SLC17A1: variants seen among roughly 807,000 people sequenced by gnomAD.
SLC17A1 encodes the protein solute carrier family 17 member 1.
In SLC17A1, 51 loss-of-function variants were observed where a neutral mutation model predicts 53.5. That is an observed-to-expected ratio of 0.95 (90% CI 0.76 to 1.20). The LOEUF is 1.20. SLC17A1 is among the 50% of genes most tolerant of loss of function. The pLI is 0.00. For synonymous variants in SLC17A1, 179 were observed against 198.8 expected (o/e 0.90, Z 0.84); for missense variants, 538 against 568.2 (o/e 0.95, Z 0.54).
At chr6:25,740,021 C>T in the SLC17A1 span, among the ~76,000 whole-genome samples, 1 of 152,076 alleles carries the variant, frequency 6.6e-6, no homozygotes, top group Non-Finnish European at 1.5e-5. Context: ...TACAGGGAAC[C>T]TCTGTATACT....
chr6:25,813,951 A>T (rs1344120027), intron 6 of SLC17A1, among the ~76,000 whole-genome samples: 1 of 152,192 alleles, frequency 6.6e-6, no homozygotes, highest in Non-Finnish European at 1.5e-5. Context: ...TCAATGGTGT[A>T]TATGTACCAT....
At chr6:25,732,614 C>T in the SLC17A1 span, 213 of 1,099,962 alleles carry the variant, frequency 1.9e-4, 1 homozygote, top group East Asian at 6.5e-3. Context: ...ACCTGGCCTC[C>T]GACACCCTGG....
chr6:25,758,937 G>T, the SLC17A1 span, among the ~76,000 whole-genome samples: 2 of 152,020 alleles, frequency 1.3e-5, no homozygotes, highest in Non-Finnish European at 2.9e-5. Flanking sequence ...GCATTTAATG[G>T]TATGAACTTT....
At chr6:25,727,399 G>GGTT in the SLC17A1 span, 2 of 683,992 alleles carry the variant, frequency 2.9e-6, no homozygotes, top group Non-Finnish European at 4.3e-6. Context: ...AACCGTAAGG[G>GGTT]TTTTTTTTTT....
chr6:25,763,837 C>T, the SLC17A1 span, among the ~76,000 whole-genome samples: 1 of 152,310 alleles, frequency 6.6e-6, no homozygotes, highest in East Asian at 1.9e-4. Context: ...ACCTTCTGAT[C>T]CCCTTTTCCC....
intron 10 of SLC17A1, among the ~76,000 whole-genome samples, chr6:25,805,510 AAG>A: frequency 6.6e-6 from 1 of 152,060 alleles, no homozygotes; most frequent in Non-Finnish European, 1.5e-5. Context: ...TAGAAGAAGA[AAG>A]GAAATAACAA....
At chr6:25,786,413 A>C (rs1763383535) in intron 12 of SLC17A1, among the ~76,000 whole-genome samples, 1 of 152,206 alleles carries the variant, frequency 6.6e-6, no homozygotes, top group Non-Finnish European at 1.5e-5. Context: ...AAAGACACTG[A>C]CCACTGCATT....
the SLC17A1 span, among the ~76,000 whole-genome samples, chr6:25,731,199 T>C: frequency 6.6e-6 from 1 of 152,090 alleles, no homozygotes; most frequent in African/African-American, 2.4e-5. Flanking sequence ...ATTCCAGCAG[T>C]TCAAGGGGAG....
chr6:25,732,959 G>A, the SLC17A1 span: 2 of 222,930 alleles, frequency 9.0e-6, no homozygotes, highest in East Asian at 1.2e-4. Context: ...TTCTGAGAAA[G>A]AGCTAGTTTA....
intron 12 of SLC17A1, among the ~76,000 whole-genome samples, chr6:25,788,362 A>G (rs1763428387): frequency 6.6e-6 from 1 of 152,216 alleles, no homozygotes; most frequent in African/African-American, 2.4e-5. Flanking sequence ...AGCTGGGGGA[A>G]AGCTCTGTGG....
At chr6:25,818,772 T>TA (rs767838285) in intron 6 of SLC17A1, among the ~76,000 whole-genome samples, 49 of 152,334 alleles carry the variant, frequency 3.2e-4, no homozygotes, top group Non-Finnish European at 3.2e-4. Context: ...CTGAAATCTG[T>TA]AAACTTATTT....
chr6:25,770,261 C>T, the SLC17A1 span: 8 of 1,614,122 alleles, frequency 5.0e-6, no homozygotes, highest in Admixed American at 1.7e-5. Context: ...CGGGAGTGGC[C>T]TTGCTCATTG....
At chr6:25,769,908 T>C in the SLC17A1 span, among the ~76,000 whole-genome samples, 1 of 152,170 alleles carries the variant, frequency 6.6e-6, no homozygotes, top group Non-Finnish European at 1.5e-5. Context: ...ATTGGGCATA[T>C]ATTTAGGGTT....
chr6:25,733,288 G>A, the SLC17A1 span, among the ~76,000 whole-genome samples: 100 of 152,282 alleles, frequency 6.6e-4, 2 homozygotes, highest in East Asian at 0.017. Context: ...TTTGGGGGTT[G>A]AATTTTAGTT....
At chr6:25,773,944 T>A in the SLC17A1 span, among the ~76,000 whole-genome samples, 1 of 152,168 alleles carries the variant, frequency 6.6e-6, no homozygotes. Context: ...ATACTATTCA[T>A]ATTTATCATA....
chr6:25,773,174 T>C, the SLC17A1 span: 2 of 872,874 alleles, frequency 2.3e-6, no homozygotes, highest in Non-Finnish European at 3.9e-6. Context: ...AAGAGTGGTG[T>C]ACTGAGGCCA....
chr6:25,789,136 C>T (rs180764916), intron 12 of SLC17A1, among the ~76,000 whole-genome samples: 2 of 152,170 alleles, frequency 1.3e-5, no homozygotes, highest in African/African-American at 4.8e-5. Flanking sequence ...TTAAGAGGAA[C>T]CAGAGCTTAT....
intron 10 of SLC17A1, among the ~76,000 whole-genome samples, chr6:25,805,849 CA>C (rs1763934784): frequency 6.6e-6 from 1 of 151,948 alleles, no homozygotes; most frequent in Non-Finnish European, 1.5e-5. Flanking sequence ...AGAGTAATAA[CA>C]AGCAGTGAGA....
At chr6:25,747,686 A>G in the SLC17A1 span, among the ~76,000 whole-genome samples, 1 of 152,228 alleles carries the variant, frequency 6.6e-6, no homozygotes. Flanking sequence ...ATAAGAAAAG[A>G]CATGAGAGCA....
Sources: gnomAD v4.1 joint callset for allele counts (sites outside exome capture counted in the v4.1 genomes callset) on GRCh38, gnomAD v4.1.1 for gene constraint, MANE v1.5 for transcripts, NCBI Gene and HGNC (gene_info 2026-07-23, HGNC 2026-07-21) for gene names.